The following DEPDC1B variants were observed in gnomAD, a reference collection of about 807,000 sequenced individuals.
DEPDC1B encodes DEP domain-containing protein 1B.
In DEPDC1B, 51 loss-of-function variants were observed where a neutral mutation model predicts 66.5. The ratio of observed to expected loss-of-function variants is 0.77; its 90% CI spans 0.61 to 0.97. The LOEUF is 0.97. DEPDC1B is among the 50% of genes least tolerant of loss of function. The probability of loss-of-function intolerance (pLI) is 0.00; values close to 1 mark genes in which losing one functional copy is unlikely to be tolerated. For missense variants in DEPDC1B, 552 were observed against 637.1 expected (o/e 0.87, Z 1.44); for synonymous variants, 226 against 223.6 (o/e 1.01, Z -0.10).
At position 60,605,614 on chromosome 5, in the gene DEPDC1B, A is replaced by G. The variant is rs1752292989; in HGVS notation, c.1065+76T>C. Reference sequence around the variant, plus strand: ...CAAGTCTGCTTTGTACTTCCCTCTGATCACCCAAACTAATACACCTTACTC... The same window carrying G: ...CAAGTCTGCTTTGTACTTCCCTCTGGTCACCCAAACTAATACACCTTACTC... On this transcript the variant is annotated intron_variant, in intron 8 of 10. Transcript: ENST00000265036. 2.7e-6 allele frequency: 4 copies of G among 1,497,324 alleles called. 1 individual carries two copies. The South Asian group carries it at 5.4e-5, about 20-fold the overall frequency. The allele number at this position is 1,497,324 out of a possible 1,614,324, so 92.8% of individuals were successfully genotyped here.
intron 2 of DEPDC1B, among the ~76,000 whole-genome samples, chr5:60,672,502 G>A (rs901623121): frequency 2.4e-4 from 36 of 152,118 alleles, no homozygotes; most frequent in African/African-American, 8.0e-4. Flanking sequence ...ATCAGATCTC[G>A]TGATAACTCA....
intron 1 of DEPDC1B, among the ~76,000 whole-genome samples, chr5:60,689,794 C>A (rs532690934): frequency 6.6e-6 from 1 of 152,090 alleles, no homozygotes; most frequent in African/African-American, 2.4e-5. Context: ...CTAATCCCAG[C>A]ACTTTGAGAG....
intron 7 of DEPDC1B, among the ~76,000 whole-genome samples, chr5:60,621,364 A>G (rs1752697434): frequency 1.3e-5 from 2 of 152,108 alleles, no homozygotes; most frequent in Admixed American, 6.5e-5. Context: ...CTATGCAGCC[A>G]TAAAAAAGGA....
chr5:60,682,986 A>C (rs1016092045), intron 2 of DEPDC1B, among the ~76,000 whole-genome samples: 3 of 152,188 alleles, frequency 2.0e-5, no homozygotes, highest in Admixed American at 6.5e-5. Context: ...AAGATACAAC[A>C]AAAAAAGAAA....
chr5:60,632,164 C>A (rs1056515313), intron 7 of DEPDC1B, among the ~76,000 whole-genome samples: 3 of 152,244 alleles, frequency 2.0e-5, no homozygotes, highest in African/African-American at 7.2e-5. Context: ...TCTGCCTGAA[C>A]CTGGGGCACC....
intron 2 of DEPDC1B, among the ~76,000 whole-genome samples, chr5:60,653,916 A>C (rs553807684): frequency 2.7e-5 from 4 of 148,918 alleles, no homozygotes; most frequent in African/African-American, 1.0e-4. Flanking sequence ...GTTGGCTGTA[A>C]GTATTTCACT....
chr5:60,615,288 G>A (rs544848758), intron 7 of DEPDC1B, among the ~76,000 whole-genome samples: 28 of 151,940 alleles, frequency 1.8e-4, no homozygotes, highest in African/African-American at 3.9e-4. Context: ...GGGGAGTGTC[G>A]GACAGTGGGT....
At chr5:60,689,185 C>A in intron 1 of DEPDC1B, 1 of 389,044 alleles carries the variant, frequency 2.6e-6, no homozygotes, top group Non-Finnish European at 5.2e-6. Context: ...CTACAAGATG[C>A]CACTAGGCGG....
At chr5:60,618,145 A>G (rs1358729782) in intron 7 of DEPDC1B, among the ~76,000 whole-genome samples, 2 of 152,182 alleles carry the variant, frequency 1.3e-5, no homozygotes, top group African/African-American at 2.4e-5. Flanking sequence ...AGTAGTTTGT[A>G]GTGGGAAATT....
At chr5:60,642,073 G>A (rs1265891403) in intron 6 of DEPDC1B, among the ~76,000 whole-genome samples, 1 of 152,116 alleles carries the variant, frequency 6.6e-6, no homozygotes, top group Non-Finnish European at 1.5e-5. Context: ...TTAAACCCAT[G>A]TTTTAGGGTT....
At chr5:60,669,455 TG>T (rs1753979089) in intron 2 of DEPDC1B, among the ~76,000 whole-genome samples, 1 of 152,206 alleles carries the variant, frequency 6.6e-6, no homozygotes, top group Non-Finnish European at 1.5e-5. Flanking sequence ...GTTTATTATA[TG>T]GGCTGATCCT....
intron 7 of DEPDC1B, among the ~76,000 whole-genome samples, chr5:60,615,326 C>A (rs907478564): frequency 6.6e-6 from 1 of 152,052 alleles, no homozygotes; most frequent in African/African-American, 2.4e-5. Context: ...GCACACCAAG[C>A]GTGAGCCAAA....
chr5:60,686,501 C>T (rs371222415), intron 2 of DEPDC1B, among the ~76,000 whole-genome samples: 3 of 152,174 alleles, frequency 2.0e-5, no homozygotes, highest in Non-Finnish European at 2.9e-5. Flanking sequence ...CTCACATTGT[C>T]GGGCTTAATC....
At chr5:60,686,072 C>T (rs1754406541) in intron 2 of DEPDC1B, among the ~76,000 whole-genome samples, 1 of 152,176 alleles carries the variant, frequency 6.6e-6, no homozygotes. Context: ...TTCTCAGCAG[C>T]TAGTCCAAGA....
At chr5:60,626,971 G>C (rs1224655250) in intron 7 of DEPDC1B, among the ~76,000 whole-genome samples, 1 of 151,898 alleles carries the variant, frequency 6.6e-6, no homozygotes, top group Non-Finnish European at 1.5e-5. Flanking sequence ...TGAGGTTGGG[G>C]GTATCTATAA....
chr5:60,677,326 A>ACACACACT (rs770640655), intron 2 of DEPDC1B, among the ~76,000 whole-genome samples: 50 of 108,558 alleles, frequency 4.6e-4, no homozygotes, highest in South Asian at 2.0e-3. Flanking sequence ...ACACACACAC[A>ACACACACT]CTCTCTCTCT....
intron 2 of DEPDC1B, among the ~76,000 whole-genome samples, chr5:60,659,099 T>C (rs1253301101): frequency 1.3e-5 from 2 of 152,200 alleles, no homozygotes; most frequent in African/African-American, 4.8e-5. Context: ...CCACAGCTTC[T>C]AATAGAGCTA....
At chr5:60,609,807 A>C (rs930143804) in intron 7 of DEPDC1B, among the ~76,000 whole-genome samples, 1 of 152,200 alleles carries the variant, frequency 6.6e-6, no homozygotes, top group African/African-American at 2.4e-5. Context: ...CTGCTTGGAA[A>C]GGCTTGGGAC....
chr5:60,607,218 G>T (rs1752328250), intron 7 of DEPDC1B, among the ~76,000 whole-genome samples: 1 of 152,180 alleles, frequency 6.6e-6, no homozygotes, highest in Non-Finnish European at 1.5e-5. Context: ...CAACAGAGAT[G>T]AGGTCTCAGA....
Sources: gnomAD v4.1 joint callset for allele counts (sites outside exome capture counted in the v4.1 genomes callset) on GRCh38, gnomAD v4.1.1 for gene constraint, MANE v1.5 for transcripts, NCBI Gene and HGNC (gene_info 2026-07-23, HGNC 2026-07-21) for gene names.